The following LINGO2 variants were observed in gnomAD, a reference collection of about 807,000 sequenced individuals.
LINGO2 encodes leucine rich repeat and Ig domain containing 2.
Under a neutral mutation model 30.6 loss-of-function variants are expected in LINGO2, and 14 were observed. That is an observed-to-expected ratio of 0.46 (90% confidence interval 0.30 to 0.72). The LOEUF is 0.72. Among genes scored for constraint, LINGO2 ranks in the 30% least tolerant of loss-of-function variants. The probability of loss-of-function intolerance (pLI) is 0.07; values close to 1 mark genes in which losing one functional copy is unlikely to be tolerated. For missense variants in LINGO2, 729 were observed against 751.7 expected (o/e 0.97, Z 0.35); for synonymous variants, 317 against 288.5 (o/e 1.10, Z -1.00).
At chr9:28,043,306 C>T (rs1290458971) in intron 4 of LINGO2, among the ~76,000 whole-genome samples, 1 of 152,190 alleles carries the variant, frequency 6.6e-6, no homozygotes, top group Admixed American at 6.5e-5. Flanking sequence ...CCATTGTGTT[C>T]ACTAGCTGTG....
the LINGO2 span, among the ~76,000 whole-genome samples, chr9:28,711,791 C>G: frequency 6.6e-6 from 1 of 152,004 alleles, no homozygotes; most frequent in African/African-American, 2.4e-5. Context: ...ATTAAATGAG[C>G]CAATTAATCA....
chr9:28,497,303 A>G (rs961713098), intron 1 of LINGO2, among the ~76,000 whole-genome samples: 4 of 152,136 alleles, frequency 2.6e-5, no homozygotes, highest in Non-Finnish European at 4.4e-5. Flanking sequence ...CACCAATCAG[A>G]CACAGATTTG....
chr9:28,143,486 A>G (rs988948343), intron 4 of LINGO2, among the ~76,000 whole-genome samples: 1 of 152,168 alleles, frequency 6.6e-6, no homozygotes, highest in African/African-American at 2.4e-5. Context: ...CAAGTAGCAC[A>G]GGATCAGAAC....
the LINGO2 span, among the ~76,000 whole-genome samples, chr9:28,875,354 G>A: frequency 6.6e-6 from 1 of 152,016 alleles, no homozygotes; most frequent in Non-Finnish European, 1.5e-5. Flanking sequence ...TATTTTATGT[G>A]AGAACCATTT....
chr9:28,417,094 T>TAA (rs5897298), intron 2 of LINGO2, among the ~76,000 whole-genome samples: 15 of 151,122 alleles, frequency 9.9e-5, no homozygotes, highest in South Asian at 2.1e-4. Context: ...GGAGTTCAGA[T>TAA]AAAAAAAAAG....
At chr9:29,052,787 C>T in the LINGO2 span, among the ~76,000 whole-genome samples, 1 of 152,090 alleles carries the variant, frequency 6.6e-6, no homozygotes, top group African/African-American at 2.4e-5. Context: ...GATCTTGAGG[C>T]TATCTCCATT....
At chr9:28,749,460 G>C in the LINGO2 span, among the ~76,000 whole-genome samples, 6 of 152,090 alleles carry the variant, frequency 3.9e-5, no homozygotes, top group South Asian at 1.2e-3. Flanking sequence ...TACTCCTATA[G>C]GTGGTAGGAA....
intron 4 of LINGO2, among the ~76,000 whole-genome samples, chr9:28,076,867 C>T (rs1825638505): frequency 6.6e-6 from 1 of 152,120 alleles, no homozygotes. Context: ...CTTTTCCCCT[C>T]TGGCTGCTTT....
intron 3 of LINGO2, among the ~76,000 whole-genome samples, chr9:28,361,452 C>T (rs1207097394): frequency 6.6e-6 from 1 of 152,044 alleles, no homozygotes; most frequent in Non-Finnish European, 1.5e-5. Flanking sequence ...TGATTTTAAA[C>T]TTCTTCTTAT....
At chr9:27,980,407 A>G (rs1195065460) in intron 5 of LINGO2, among the ~76,000 whole-genome samples, 1 of 151,938 alleles carries the variant, frequency 6.6e-6, no homozygotes, top group Admixed American at 6.6e-5. Flanking sequence ...CAGCAATTGG[A>G]GGAAAACTGT....
At chr9:28,548,347 A>C (rs898746463) in intron 1 of LINGO2, among the ~76,000 whole-genome samples, 1 of 152,100 alleles carries the variant, frequency 6.6e-6, no homozygotes, top group African/African-American at 2.4e-5. Flanking sequence ...CAGTAAACGT[A>C]GTTACACTAA....
rs113810968 is a variant in LINGO2, at chr9:28,122,691, A to G, written c.-86-110286T>C. Among the ~76,000 whole-genome samples, 8 of 152,314 alleles carry G rather than the reference A, an allele frequency of 5.3e-5. 1 individual carries two copies. Among genetic ancestry groups the G allele is most frequent in the African/African-American group, 1.7e-4 (7 of 41,582 alleles). On this transcript the variant is annotated intron_variant, in intron 4 of 5. Coordinates refer to ENST00000379992, the Ensembl canonical transcript of LINGO2. ...AGCAACCTATCCCAGGATGATGGTG[A>G]CTTAGACTTTTCCTTGTCTTTTTCC...
chr9:28,675,683 C>A, the LINGO2 span, among the ~76,000 whole-genome samples: 737 of 151,624 alleles, frequency 4.9e-3, 8 homozygotes, highest in African/African-American at 0.017. Context: ...CCAGCCTGGA[C>A]AACATGGTGA....
intron 1 of LINGO2, among the ~76,000 whole-genome samples, chr9:28,573,312 C>T (rs2135600770): frequency 6.6e-6 from 1 of 152,128 alleles, no homozygotes; most frequent in African/African-American, 2.4e-5. Context: ...GCTATTTTTT[C>T]TGTACCAAGT....
At chr9:28,448,675 T>G (rs963438858) in intron 2 of LINGO2, among the ~76,000 whole-genome samples, 1 of 151,884 alleles carries the variant, frequency 6.6e-6, no homozygotes, top group African/African-American at 2.4e-5. Context: ...CTATGGAAAT[T>G]GAAAAGAAAG....
intron 4 of LINGO2, among the ~76,000 whole-genome samples, chr9:28,212,438 T>C (rs1820624022): frequency 6.6e-6 from 1 of 151,462 alleles, no homozygotes; most frequent in Non-Finnish European, 1.5e-5. Context: ...TATGGCCTCC[T>C]ACATGTTCCT....
intron 2 of LINGO2, among the ~76,000 whole-genome samples, chr9:28,384,745 T>G (rs1352025264): frequency 6.6e-6 from 1 of 152,060 alleles, no homozygotes; most frequent in Non-Finnish European, 1.5e-5. Flanking sequence ...CCCTAAGATT[T>G]TAAACAATTT....
At chr9:29,200,911 C>T in the LINGO2 span, among the ~76,000 whole-genome samples, 2 of 151,910 alleles carry the variant, frequency 1.3e-5, no homozygotes, top group African/African-American at 4.8e-5. Flanking sequence ...TTGGGATTTG[C>T]CTATTTTTTT....
At chr9:28,499,129 A>G (rs1819783730) in intron 1 of LINGO2, among the ~76,000 whole-genome samples, 1 of 152,124 alleles carries the variant, frequency 6.6e-6, no homozygotes. Context: ...TAACTGCTAT[A>G]AAGTTTCCCT....
Sources: gnomAD v4.1 joint callset for allele counts (sites outside exome capture counted in the v4.1 genomes callset) on GRCh38, gnomAD v4.1.1 for gene constraint, MANE v1.5 for transcripts, NCBI Gene and HGNC (gene_info 2026-07-23, HGNC 2026-07-21) for gene names.